Variants in FAM13C observed in about 807,000 individuals in gnomAD.
FAM13C encodes protein FAM13C.
A neutral mutation model predicts 73.2 loss-of-function variants in FAM13C; 37 were observed. That is an observed-to-expected ratio of 0.51 (90% CI 0.39 to 0.67). The LOEUF (loss-of-function observed/expected upper bound fraction) is 0.67, where lower values mean the gene tolerates loss of function less well. Among genes scored for constraint, FAM13C ranks in the 30% least tolerant of loss-of-function variants. The probability of loss-of-function intolerance (pLI) is 0.00; values close to 1 mark genes in which losing one functional copy is unlikely to be tolerated. For synonymous variants in FAM13C, 246 were observed against 260.9 expected (o/e 0.94, Z 0.55); for missense variants, 589 against 715.6 (o/e 0.82, Z 2.02).
intron 8 of FAM13C, 151 bp from the exon 9 acceptor site, chr10:59,264,317 G>C (rs1842809194): frequency 1.6e-6 from 1 of 614,358 alleles, no homozygotes; most frequent in Admixed American, 2.9e-5. Context: ...AAATTCGGGT[G>C]TGAAATTTCT....
intron 3 of FAM13C, among the ~76,000 whole-genome samples, chr10:59,347,138 G>C (rs531441650): frequency 1.3e-5 from 2 of 152,216 alleles, no homozygotes; most frequent in South Asian, 4.1e-4. Flanking sequence ...TCAAATAAGC[G>C]TTCTCCTTCT....
intron 12 of FAM13C, 80 bp from the exon 13 acceptor site, chr10:59,251,756 C>CA (rs1449769119): frequency 5.6e-6 from 6 of 1,064,786 alleles, no homozygotes; most frequent in Non-Finnish European, 8.2e-6. Context: ...TCTGTTCAGC[C>CA]AAAAAAGCAT....
intron 4 of FAM13C, among the ~76,000 whole-genome samples, chr10:59,321,380 T>C (rs1056043608): frequency 4.1e-5 from 6 of 147,048 alleles, no homozygotes; most frequent in African/African-American, 1.3e-4. Context: ...GGTATGGAAA[T>C]GGATAGATTC....
Position 59,268,588 on chromosome 10 carries a change from A to G in FAM13C, c.907T>C (p.Phe303Leu), listed in dbSNP as rs780192298. The G allele has an allele frequency of 6.2e-7, 1 of 1,613,670 alleles. No homozygotes were observed. The highest frequency in any genetic ancestry group is 8.5e-7 in the Non-Finnish European group (1 of 1,179,810). Residue 303 changes from phenylalanine to leucine, a missense_variant, in exon 8 of 14, where the codon TTT becomes CTT. Coordinates refer to ENST00000618804, the MANE Select transcript of FAM13C (RefSeq NM_198215.4). ...IQSLKRKIRK[F>L]EEKFEQEKKY... ...TTTTCTTGTTCAAATTTTTCTTCAA[A>G]TTTCCGAATTTTCCGCTTGAGGCTC...
At chr10:59,296,501 G>A (rs1368950363) in intron 5 of FAM13C, among the ~76,000 whole-genome samples, 4 of 152,104 alleles carry the variant, frequency 2.6e-5, no homozygotes, top group Non-Finnish European at 4.4e-5. Context: ...TTGATTTCAG[G>A]TAAATAAATC....
chr10:59,357,705 A>G (rs1176912055), intron 1 of FAM13C, among the ~76,000 whole-genome samples: 1 of 152,102 alleles, frequency 6.6e-6, no homozygotes, highest in Non-Finnish European at 1.5e-5. Context: ...CTTACTCCCT[A>G]TTTCTGTTTT....
Position 59,362,403 on chromosome 10 carries a change from T to G in FAM13C, c.58A>C (p.Thr20Pro). The change falls in exon 1 of 14, where the codon ACA becomes CCA. Residue 20 changes from threonine (T) to proline (P), a missense_variant. Physicochemically the swap from Thr to Pro is conservative, Grantham distance 38. Coordinates refer to ENST00000618804, the MANE Select transcript of FAM13C (RefSeq NM_198215.4). ...QDNSFSSTTV[T>P]ECDEDPVSLH... is the part of the protein sequence containing the mutation. ...TTAATGGTAAGAATCACTTACTCTGTTACAGTGGTGCTGCTGAAGGAATTA... is the reference window on the plus strand; with the variant it reads ...TTAATGGTAAGAATCACTTACTCTGGTACAGTGGTGCTGCTGAAGGAATTA... 2.5e-6 allele frequency: 4 copies of G among 1,614,006 alleles called. No individual in the cohort carries two copies. Among genetic ancestry groups the G allele is most frequent in the Non-Finnish European group, 3.4e-6 (4 of 1,179,952 alleles).
intron 3 of FAM13C, among the ~76,000 whole-genome samples, chr10:59,335,515 C>T (rs1852603823): frequency 6.6e-6 from 1 of 152,156 alleles, no homozygotes; most frequent in African/African-American, 2.4e-5. Flanking sequence ...GGCTACCCCA[C>T]CCCCTACCAG....
At position 59,333,824 on chromosome 10, in the gene FAM13C, A is replaced by G. The variant is rs1317185718; in HGVS notation, c.325-9718T>C. Reference sequence around the variant, plus strand: ...TTACTTCAGCTACTAAAGCTGCTGCACTAATGCCACAGCTTTCAACACTAG... The same window carrying G: ...TTACTTCAGCTACTAAAGCTGCTGCGCTAATGCCACAGCTTTCAACACTAG... On this transcript the variant is annotated intron_variant, in intron 3 of 13. Transcript: ENST00000618804. 2.0e-5 allele frequency among the ~76,000 whole-genome samples: 3 copies of G among 152,192 alleles called. No homozygotes were observed. The East Asian group carries it at 5.8e-4, about 29-fold the overall frequency.
intron 4 of FAM13C, among the ~76,000 whole-genome samples, chr10:59,310,609 G>A (rs1848810936): frequency 6.6e-6 from 1 of 152,000 alleles, no homozygotes; most frequent in Non-Finnish European, 1.5e-5. Context: ...TATTCCCCGA[G>A]AGACTACTGA....
chr10:59,363,058 T>C (rs1338280898), upstream of FAM13C: 1 of 159,094 alleles, frequency 6.3e-6, no homozygotes, highest in African/African-American at 2.4e-5. Context: ...GTGTGTTTTT[T>C]GTTGCCTAGG....
intron 3 of FAM13C, among the ~76,000 whole-genome samples, chr10:59,326,984 A>C (rs1851232773): frequency 6.6e-6 from 1 of 152,238 alleles, no homozygotes; most frequent in Non-Finnish European, 1.5e-5. Context: ...TGGTTTGATT[A>C]CATAAGTCTT....
At chr10:59,360,124 C>T (rs117626244) in intron 1 of FAM13C, among the ~76,000 whole-genome samples, 5,718 of 152,276 alleles carry the variant, frequency 0.038, 161 homozygotes, top group Non-Finnish European at 0.057. Flanking sequence ...ATTTCCCTTT[C>T]CCCTTGACTC....
chr10:59,316,357 G>A lies in FAM13C; in HGVS notation c.443+7631C>T, dbSNP rs187893053. On this transcript the variant is annotated intron_variant, in intron 4 of 13. Transcript: ENST00000618804. ...TATAATGGATGCACATAAAGATATT[G>A]TTTTTAAGATGTTTACTACAGCAAT... Among the ~76,000 whole-genome samples, 216 of 152,254 alleles carry A rather than the reference G, an allele frequency of 1.4e-3. 2 individuals carry two copies. Among genetic ancestry groups the A allele is most frequent in the Non-Finnish European group, 1.3e-3 (87 of 68,016 alleles).
chr10:59,262,890 AGT>A (rs1842656864), intron 9 of FAM13C, among the ~76,000 whole-genome samples: 1 of 152,180 alleles, frequency 6.6e-6, no homozygotes, highest in Non-Finnish European at 1.5e-5. Context: ...GGAGTAGCTC[AGT>A]GGTTTAGATT....
chr10:59,276,481 C>T (rs528292819), intron 6 of FAM13C, among the ~76,000 whole-genome samples: 85 of 152,138 alleles, frequency 5.6e-4, no homozygotes, highest in African/African-American at 1.9e-3. Flanking sequence ...AACAACAATC[C>T]TAGGAATTAG....
At chr10:59,290,198 T>A (rs1679019132) in intron 5 of FAM13C, among the ~76,000 whole-genome samples, 1 of 152,232 alleles carries the variant, frequency 6.6e-6, no homozygotes, top group African/African-American at 2.4e-5. Context: ...TTTAGTTGGG[T>A]TGAAATAGAG....
intron 6 of FAM13C, among the ~76,000 whole-genome samples, chr10:59,280,147 A>C (rs1481225853): frequency 6.6e-6 from 1 of 152,214 alleles, no homozygotes; most frequent in Admixed American, 6.5e-5. Context: ...TGTGGTTTGC[A>C]ACCTACAAGT....
intron 4 of FAM13C, among the ~76,000 whole-genome samples, chr10:59,303,867 C>T (rs961639627): frequency 3.9e-5 from 6 of 152,048 alleles, no homozygotes; most frequent in African/African-American, 1.2e-4. Context: ...AGTGTCTGTT[C>T]GGCCAGGCGC....
Sources: allele counts gnomAD v4.1 joint callset (sites outside exome capture counted in the v4.1 genomes callset), GRCh38; gene constraint gnomAD v4.1.1; transcripts MANE v1.5; gene names NCBI Gene and HGNC (gene_info 2026-07-23, HGNC 2026-07-21).